Variants in ERO1B observed in about 807,000 individuals in gnomAD.
ERO1B encodes endoplasmic reticulum oxidoreductase 1 beta, also known as ERO1-like protein beta.
Under a neutral mutation model 75.3 loss-of-function variants are expected in ERO1B, and 49 were observed. The observed-to-expected ratio is 0.65, with a 90% CI of 0.52 to 0.83. The LOEUF (loss-of-function observed/expected upper bound fraction) is 0.83, where lower values mean the gene tolerates loss of function less well. ERO1B is among the 40% of genes least tolerant of loss of function. The pLI is 0.00. For synonymous variants in ERO1B, 191 were observed against 192.9 expected, an observed-to-expected ratio of 0.99 and a Z score of 0.08; for missense variants, 512 against 560.1, an observed-to-expected ratio of 0.91 and a Z score of 0.87.
At chr1:236,233,144 A>C (rs1664454788) in intron 8 of ERO1B, among the ~76,000 whole-genome samples, 1 of 151,992 alleles carries the variant, frequency 6.6e-6, no homozygotes, top group Admixed American at 6.6e-5. Context: ...CCCTGTCTCA[A>C]CTAAAAATAC....
intron 2 of ERO1B, among the ~76,000 whole-genome samples, chr1:236,268,624 C>T (rs10802465): frequency 0.18 from 26,980 of 151,998 alleles, 2,542 homozygotes; most frequent in East Asian, 0.3. Context: ...CGGTGGCTCA[C>T]GCCTGTAATC....
chr1:236,223,816 C>T (rs979701253), intron 13 of ERO1B, among the ~76,000 whole-genome samples: 4 of 152,118 alleles, frequency 2.6e-5, no homozygotes, highest in African/African-American at 9.7e-5. Context: ...AATTAACATA[C>T]AAAATACCAA....
intron 2 of ERO1B, among the ~76,000 whole-genome samples, chr1:236,256,269 G>C (rs530381513): frequency 2.6e-4 from 40 of 152,320 alleles, no homozygotes; most frequent in African/African-American, 9.1e-4. Context: ...TGACAAGAAA[G>C]AGAAGGGGAT....
chr1:236,224,873 C>T (rs1028372921), intron 13 of ERO1B, among the ~76,000 whole-genome samples, 197 bp downstream of exon 13: 2 of 152,140 alleles, frequency 1.3e-5, no homozygotes, highest in Non-Finnish European at 1.5e-5. Flanking sequence ...ATACTAATGA[C>T]CAATGATTCA....
intron 6 of ERO1B, among the ~76,000 whole-genome samples, chr1:236,237,350 C>T (rs1397132116): frequency 1.3e-5 from 2 of 151,934 alleles, no homozygotes; most frequent in African/African-American, 2.4e-5. Flanking sequence ...CTCCTGACCT[C>T]GTGATCCACC....
At position 236,221,080 on chromosome 1, in the gene ERO1B, C is replaced by T. The variant is rs185645168; in HGVS notation, c.1210-115G>A. 120 of 750,460 alleles carry T rather than the reference C, an allele frequency of 1.6e-4. No individual in the cohort carries two copies. The African/African-American group carries it at 2.0e-3, about 13-fold the overall frequency. The allele number at this position is 750,460 out of a possible 1,614,324, so 46.5% of individuals were successfully genotyped here. A position where few individuals can be genotyped will look rare whatever the true frequency, so the allele number is the denominator to read the frequency against. On this transcript the variant is annotated intron_variant, in intron 14 of 15. Transcript: ENST00000354619. ...AGTTAGGAAATTCATATGAACTGAG[C>T]TTTTCACAAAAATATTACTACAGTT...
chr1:236,253,201 A>G (rs1030482511), intron 3 of ERO1B, among the ~76,000 whole-genome samples: 3 of 152,168 alleles, frequency 2.0e-5, no homozygotes, highest in African/African-American at 7.2e-5. Context: ...CTATATTTCC[A>G]TATTTGATCA....
chr1:236,235,969 G>A, intron 7 of ERO1B, 134 bp from the exon 8 acceptor site: 1 of 786,170 alleles, frequency 1.3e-6, no homozygotes, highest in Non-Finnish European at 2.0e-6. Context: ...TAGTCACCCA[G>A]GCTGGAGTAC....
rs1467661702 is a variant in ERO1B, at chr1:236,235,804, G to A, written c.658C>T (p.Leu220=). ...AAAAACCTACCTCGGCTAGGCGCCA[G>A]AGGATTTAAAGGACGATAAACAGAT... ...PRSVYRPLNP[L]APSRGEDDGE... is the part of the protein sequence containing the mutation. Residue 220 remains leucine (L), a synonymous_variant, in exon 8 of 16, where the codon CTG becomes TTG. Transcript: ENST00000354619. 3 of 1,612,494 alleles carry A rather than the reference G, an allele frequency of 1.9e-6. No homozygotes were observed. Among genetic ancestry groups the A allele is most frequent in the Non-Finnish European group, 2.5e-6 (3 of 1,179,414 alleles).
chr1:236,250,572 C>CATAT (rs1171832762), intron 4 of ERO1B, among the ~76,000 whole-genome samples: 54 of 86,378 alleles, frequency 6.3e-4, no homozygotes, highest in Non-Finnish European at 1.0e-3. Flanking sequence ...TAAATTTGAC[C>CATAT]ATATATATAT....
intron 12 of ERO1B, 129 bp downstream of exon 12, chr1:236,226,140 G>C: frequency 2.3e-6 from 2 of 866,120 alleles, no homozygotes; most frequent in South Asian, 3.6e-5. Context: ...TTGTTCTATT[G>C]ATCACTTTCC....
intron 1 of ERO1B, among the ~76,000 whole-genome samples, chr1:236,280,913 G>C (rs150879246): frequency 4.9e-4 from 75 of 152,286 alleles, no homozygotes; most frequent in African/African-American, 1.7e-3. Context: ...CTCTGAAGGC[G>C]AAAGGATCTG....
At chr1:236,273,854 T>C (rs1476309973) in intron 1 of ERO1B, among the ~76,000 whole-genome samples, 1 of 150,562 alleles carries the variant, frequency 6.6e-6, no homozygotes, top group Non-Finnish European at 1.5e-5. Context: ...GTTATATGCT[T>C]AGGAATAGAA....
chr1:236,253,624 G>A (rs546426667), intron 2 of ERO1B, 119 bp from the exon 3 acceptor site: 7 of 661,382 alleles, frequency 1.1e-5, no homozygotes, highest in Non-Finnish European at 1.9e-5. Flanking sequence ...TCCTATCCTC[G>A]TGGCACCTAT....
intron 6 of ERO1B, among the ~76,000 whole-genome samples, chr1:236,242,873 GTCTT>G (rs1212003342): frequency 2.6e-5 from 4 of 152,174 alleles, no homozygotes; most frequent in African/African-American, 9.7e-5. Flanking sequence ...AGAGTGTCCA[GTCTT>G]TCTACCATTC....
chr1:236,233,461 G>C (rs181211052), intron 8 of ERO1B, among the ~76,000 whole-genome samples: 201 of 151,902 alleles, frequency 1.3e-3, no homozygotes, highest in African/African-American at 4.7e-3. Flanking sequence ...AGCCAGGCGT[G>C]GTGACCGGCA....
At chr1:236,240,553 G>T (rs955443041) in intron 6 of ERO1B, among the ~76,000 whole-genome samples, 3 of 152,096 alleles carry the variant, frequency 2.0e-5, no homozygotes. Flanking sequence ...ACCAGATTTA[G>T]AAACTACTGT....
intron 6 of ERO1B, among the ~76,000 whole-genome samples, chr1:236,237,432 T>C (rs1442484339): frequency 2.0e-5 from 3 of 152,136 alleles, no homozygotes; most frequent in African/African-American, 7.2e-5. Context: ...GACATTTTAA[T>C]TGAGATCTCT....
chr1:236,215,486 G>A lies in ERO1B; in HGVS notation c.*3030C>T, dbSNP rs1663947512. ...AATACATTTTCTCCCTTCTCCACAG[G>A]TTACAATCAAATTCTCATGCCATAA... On this transcript the variant is annotated 3_prime_UTR_variant, in exon 16 of 16. Coordinates refer to ENST00000354619, the MANE Select transcript of ERO1B (RefSeq NM_019891.4). 6.6e-6 allele frequency: 1 copy of A among 152,026 alleles called. No individual in the cohort carries two copies. Among genetic ancestry groups the A allele is most frequent in the Non-Finnish European group, 1.5e-5 (1 of 68,006 alleles). 9.4% of individuals were successfully genotyped at this position (152,026 alleles called of 1,614,324 possible).
Sources: allele counts gnomAD v4.1 joint callset (sites outside exome capture counted in the v4.1 genomes callset), GRCh38; gene constraint gnomAD v4.1.1; transcripts MANE v1.5; gene names NCBI Gene and HGNC (gene_info 2026-07-23, HGNC 2026-07-21).